Variants in TUT4 observed in about 807,000 individuals in gnomAD.
The protein encoded by TUT4 is terminal uridylyltransferase 4.
In TUT4, 36 loss-of-function variants were observed where a neutral mutation model predicts 192.2. That is an observed-to-expected ratio of 0.19 (90% CI 0.14 to 0.25). The LOEUF (loss-of-function observed/expected upper bound fraction) is 0.25, where lower values mean the gene tolerates loss of function less well. Ranked by LOEUF, TUT4 falls within the 10% of genes least tolerant of loss-of-function variation. The probability of loss-of-function intolerance (pLI) is 1.00; values close to 1 mark genes in which losing one functional copy is unlikely to be tolerated. For synonymous variants in TUT4, 618 were observed against 666.0 expected (o/e 0.93, Z 1.11); for missense variants, 1,493 against 1,957.2 (o/e 0.76, Z 4.47).
At chr1:52,469,356 A>C (rs1249679218) in intron 14 of TUT4, among the ~76,000 whole-genome samples, 1 of 152,196 alleles carries the variant, frequency 6.6e-6, no homozygotes, top group Non-Finnish European at 1.5e-5. Flanking sequence ...ACTTAAGGGC[A>C]AAAGAAACCA....
At chr1:52,463,771 T>C (rs923789953) in intron 16 of TUT4, 1 of 1,304,118 alleles carries the variant, frequency 7.7e-7, no homozygotes, top group African/African-American at 1.5e-5. Flanking sequence ...CTTCCCACTA[T>C]TAAGGCCTGG....
At chr1:52,458,857 A>G (rs1375169876) in intron 19 of TUT4, among the ~76,000 whole-genome samples, 1 of 152,200 alleles carries the variant, frequency 6.6e-6, no homozygotes, top group Non-Finnish European at 1.5e-5. Flanking sequence ...CCCTGCAAAC[A>G]TGCCAAAACA....
At chr1:52,538,939 C>T (rs1685731100) in intron 1 of TUT4, among the ~76,000 whole-genome samples, 1 of 152,104 alleles carries the variant, frequency 6.6e-6, no homozygotes, top group Non-Finnish European at 1.5e-5. Context: ...AGACAATTCT[C>T]CCACCTCAGC....
intron 20 of TUT4, 26 bp downstream of exon 20, chr1:52,458,310 C>T: frequency 6.4e-7 from 1 of 1,569,940 alleles, no homozygotes; most frequent in Non-Finnish European, 8.7e-7. Context: ...AAAAAAAACT[C>T]CTTTATAGTT....
At position 52,431,267 on chromosome 1, in the gene TUT4, G is replaced by A; in HGVS notation, c.4457C>T (p.Ser1486Phe). Residue 1486 changes from serine to phenylalanine, a missense_variant, in exon 28 of 30, where the codon TCT becomes TTT. This residue lies in a region of TUT4 where 351 missense variants were observed against 397.8 expected (regional missense o/e 0.88). Coordinates refer to ENST00000257177, the MANE Select transcript of TUT4 (RefSeq NM_001009881.3). ...CAACAATCCCATATTGTGCATGGGA[G>A]AATACTGAGCTGGTGGTGACTGGGG... ...NFPQSPPAQY[S>F]PMHNMGLLPM... 1 of 1,614,198 alleles carries A rather than the reference G, an allele frequency of 6.2e-7. No homozygotes were observed. Among genetic ancestry groups the A allele is most frequent in the Non-Finnish European group, 8.5e-7 (1 of 1,180,030 alleles).
intron 9 of TUT4, among the ~76,000 whole-genome samples, chr1:52,484,830 G>A (rs1433508704): frequency 6.6e-6 from 1 of 152,152 alleles, no homozygotes; most frequent in Admixed American, 6.5e-5. Context: ...TGGACTAACT[G>A]TGCCTTGGAG....
intron 2 of TUT4, among the ~76,000 whole-genome samples, chr1:52,525,212 C>A (rs935772598): frequency 2.0e-5 from 3 of 152,090 alleles, no homozygotes; most frequent in African/African-American, 7.2e-5. Context: ...AAGAAGAACT[C>A]AATACATACA....
intron 1 of TUT4, among the ~76,000 whole-genome samples, chr1:52,548,226 C>T (rs1165923388): frequency 1.3e-5 from 2 of 152,126 alleles, no homozygotes; most frequent in Non-Finnish European, 2.9e-5. Context: ...CAGCACATGA[C>T]TAGCACTTAA....
intron 20 of TUT4, among the ~76,000 whole-genome samples, chr1:52,447,178 G>A (rs554454642): frequency 1.1e-4 from 16 of 152,182 alleles, no homozygotes; most frequent in African/African-American, 3.4e-4. Context: ...GGCCAGGCAC[G>A]GTGGTTCACG....
chr1:52,435,240 C>G, intron 27 of TUT4, 125 bp downstream of exon 27: 1 of 650,438 alleles, frequency 1.5e-6, no homozygotes, highest in Non-Finnish European at 2.5e-6. Context: ...CTAGCAAGGA[C>G]ATATATACAA....
intron 4 of TUT4, among the ~76,000 whole-genome samples, chr1:52,507,302 G>T (rs1319596182): frequency 1.3e-5 from 2 of 152,064 alleles, no homozygotes; most frequent in Non-Finnish European, 2.9e-5. Context: ...AGCTATCTTG[G>T]ACTTAGTGCA....
rs369042405 is a variant in TUT4 at position 52,520,086 on chromosome 1, G to A, written c.719-4032C>T. On this transcript the variant is annotated intron_variant, in intron 2 of 29. Transcript: ENST00000257177. ...GACATTTGGGGAATGAGTGTTTGACGCAGAGGAAAAAGCAAATGCAAAGTT... is the reference window on the plus strand; with the variant it reads ...GACATTTGGGGAATGAGTGTTTGACACAGAGGAAAAAGCAAATGCAAAGTT... Among the ~76,000 whole-genome samples, 5 of 152,272 alleles carry A rather than the reference G, an allele frequency of 3.3e-5. No individual in the cohort carries two copies. The East Asian group carries it at 5.8e-4, about 18-fold the overall frequency.
intron 24 of TUT4, among the ~76,000 whole-genome samples, chr1:52,439,899 A>ACCC (rs1412668507): frequency 6.6e-6 from 1 of 152,230 alleles, no homozygotes; most frequent in East Asian, 1.9e-4. Flanking sequence ...ATGGATAATA[A>ACCC]AATGTGGTAT....
chr1:52,506,836 T>C (rs1273549965), intron 4 of TUT4, among the ~76,000 whole-genome samples: 1 of 152,216 alleles, frequency 6.6e-6, no homozygotes, highest in Admixed American at 6.5e-5. Context: ...TTTGCATACC[T>C]GATAATCTTT....
intron 16 of TUT4, chr1:52,463,318 T>C (rs1663136828): frequency 2.0e-6 from 2 of 990,264 alleles, no homozygotes; most frequent in Non-Finnish European, 2.4e-6. Context: ...ACTTTCCAAG[T>C]AGGTGGCTCT....
Position 52,527,259 on chromosome 1 carries a change from C to T in TUT4, c.-93-886G>A, listed in dbSNP as rs186910329. Among the ~76,000 whole-genome samples the T allele has an allele frequency of 7.2e-5, 11 of 152,132 alleles. No homozygotes were observed. In the East Asian group the frequency reaches 2.1e-3, roughly 30 times the overall value. ...ATTCGCTGAAGTATACTTTAAAAAC[C>T]AACAGGGGCCGGGTGCAATGGCTCA... On this transcript the variant is annotated intron_variant, in intron 1 of 29. Coordinates refer to ENST00000257177, the MANE Select transcript of TUT4 (RefSeq NM_001009881.3).
chr1:52,536,709 G>C (rs1359095191), intron 1 of TUT4, among the ~76,000 whole-genome samples: 1 of 151,874 alleles, frequency 6.6e-6, no homozygotes, highest in Non-Finnish European at 1.5e-5. Flanking sequence ...GAAAAAATAA[G>C]AGGGCGTGGT....
intron 27 of TUT4, chr1:52,432,941 A>G (rs1652541625): frequency 6.6e-6 from 1 of 152,436 alleles, no homozygotes; most frequent in Non-Finnish European, 1.5e-5. Context: ...GAATAAATAG[A>G]TAAGTAAAAA....
At chr1:52,446,789 C>T in intron 20 of TUT4, 122 bp from the exon 21 acceptor site, 1 of 654,708 alleles carries the variant, frequency 1.5e-6, no homozygotes, top group South Asian at 2.5e-5. Flanking sequence ...CCAAAAAGAA[C>T]ATGTCAGGAT....
Sources: allele counts gnomAD v4.1 joint callset (sites outside exome capture counted in the v4.1 genomes callset), GRCh38; gene constraint gnomAD v4.1.1; regional missense constraint gnomAD v4.1.1; transcripts MANE v1.5; gene names NCBI Gene and HGNC (gene_info 2026-07-23, HGNC 2026-07-21).